Variants in TENT2 observed in about 807,000 individuals in gnomAD.
The protein encoded by TENT2 is poly(A) RNA polymerase GLD2.
In TENT2, 44 loss-of-function variants were observed where a neutral mutation model predicts 72.2. That is an observed-to-expected ratio of 0.61 (90% CI 0.48 to 0.78). The LOEUF is 0.78. Among genes scored for constraint, TENT2 ranks in the 30% least tolerant of loss-of-function variants. TENT2 has a pLI of 0.00. For synonymous variants in TENT2, 212 were observed against 192.5 expected (o/e 1.10, Z -0.84); for missense variants, 541 against 569.6 (o/e 0.95, Z 0.51).
intron 12 of TENT2, among the ~76,000 whole-genome samples, chr5:79,672,719 CTT>C (rs1283597970): frequency 2.0e-5 from 3 of 152,200 alleles, no homozygotes; most frequent in Admixed American, 6.5e-5. Context: ...TTGATGGACA[CTT>C]AAGTTCCTTC....
At chr5:79,665,449 A>G (rs1362950034) in intron 11 of TENT2, among the ~76,000 whole-genome samples, 1 of 152,210 alleles carries the variant, frequency 6.6e-6, no homozygotes, top group African/African-American at 2.4e-5. Context: ...CTCAGAAAAA[A>G]ATGATGGAAT....
rs140583096 is a variant in TENT2, at chr5:79,630,089, C to T, written c.465+6600C>T. ...GGCAGAGGTTGCAGTGAGCCAACAT[C>T]GCGTCACTGTACTCCAGCCTGGGTG... is the stretch of plus-strand genomic sequence containing the variant. On this transcript the variant is annotated intron_variant, in intron 4 of 14. Transcript: ENST00000453514. 5.4e-3 allele frequency among the ~76,000 whole-genome samples: 815 copies of T among 152,244 alleles called. 6 individuals carry two copies. The highest frequency in any genetic ancestry group is 0.019 in the African/African-American group (773 of 41,552).
chr5:79,663,743 T>A (rs1804913926), intron 11 of TENT2, among the ~76,000 whole-genome samples: 1 of 152,196 alleles, frequency 6.6e-6, no homozygotes, highest in Admixed American at 6.5e-5. Context: ...ATATGAGAAT[T>A]ACCAGAGTGG....
chr5:79,619,162 A>C (rs948837841), intron 1 of TENT2, among the ~76,000 whole-genome samples: 2 of 152,192 alleles, frequency 1.3e-5, no homozygotes, highest in Non-Finnish European at 2.9e-5. Context: ...GAATCTTATA[A>C]ATTGTTAAGA....
rs369492064 is a variant in TENT2 at position 79,664,594 on chromosome 5, CAAAAA to C, written c.1072-4286_1072-4282del. On this transcript the variant is annotated intron_variant, in intron 11 of 14. Coordinates refer to ENST00000453514, the MANE Select transcript of TENT2 (RefSeq NM_001114394.3). ...TGGGTGACAGAGTCTCACTCTGTCT[CAAAAA>C]AAAAAAAAAAAGAGGTTAACAAATT... 6.5e-3 allele frequency among the ~76,000 whole-genome samples: 626 copies of C among 95,642 alleles called. 4 individuals are homozygous for C. Among genetic ancestry groups the C allele is most frequent in the African/African-American group, 0.019 (553 of 29,528 alleles). The allele number at this position is 95,642 out of a possible 152,430, so 62.7% of individuals were successfully genotyped here.
chr5:79,615,975 G>C (rs1759538741), intron 1 of TENT2, among the ~76,000 whole-genome samples: 1 of 151,848 alleles, frequency 6.6e-6, no homozygotes, highest in African/African-American at 2.4e-5. Flanking sequence ...TGTAACCTCT[G>C]CTTGCCAGGT....
chr5:79,669,450 T>A (rs562046036), intron 12 of TENT2, among the ~76,000 whole-genome samples: 2 of 152,234 alleles, frequency 1.3e-5, no homozygotes, highest in Non-Finnish European at 2.9e-5. Flanking sequence ...GTTGTGTTAG[T>A]GTGATATACA....
intron 11 of TENT2, among the ~76,000 whole-genome samples, chr5:79,666,887 G>C (rs1745005598): frequency 6.6e-6 from 1 of 152,102 alleles, no homozygotes; most frequent in Non-Finnish European, 1.5e-5. Context: ...GATTTCTTAA[G>C]GATAGATAGA....
At chr5:79,655,098 T>C (rs183512903) in intron 10 of TENT2, among the ~76,000 whole-genome samples, 3 of 152,296 alleles carry the variant, frequency 2.0e-5, no homozygotes, top group Admixed American at 1.3e-4. Flanking sequence ...ATAGTTGTTA[T>C]AGTCAGATTT....
At chr5:79,634,585 C>T (rs1441573016) in intron 4 of TENT2, among the ~76,000 whole-genome samples, 2 of 152,212 alleles carry the variant, frequency 1.3e-5, no homozygotes, top group East Asian at 1.9e-4. Flanking sequence ...GTGATCTGCC[C>T]GCCTTGGCCT....
chr5:79,619,768 C>A lies in TENT2; in HGVS notation c.120C>A (p.Phe40Leu), dbSNP rs771639966. The change falls in exon 2 of 15, where the codon TTC becomes TTA. Residue 40 changes from phenylalanine (F) to leucine (L), a missense_variant. Coordinates refer to ENST00000453514, the MANE Select transcript of TENT2 (RefSeq NM_001114394.3). ...YSHQQLIDAQ[F>L]NFQNADLSRA... ...ACCAGCAGCTTATAGATGCACAATT[C>A]AACTTTCAGAATGCAGAGTGAGTAT... The A allele has an allele frequency of 3.1e-6, 5 of 1,613,058 alleles. No individual in the cohort carries two copies. Among genetic ancestry groups the A allele is most frequent in the Non-Finnish European group, 4.2e-6 (5 of 1,179,492 alleles).
intron 1 of TENT2, among the ~76,000 whole-genome samples, chr5:79,618,812 T>G (rs554404960): frequency 6.6e-5 from 10 of 152,184 alleles, no homozygotes; most frequent in Non-Finnish European, 1.5e-4. Context: ...CTCCCAAGTA[T>G]TATTATGTTC....
chr5:79,668,692 G>C, intron 11 of TENT2, 200 bp from the exon 12 acceptor site: 1 of 515,674 alleles, frequency 1.9e-6, no homozygotes, highest in East Asian at 3.1e-5. Context: ...GGATTAGAAT[G>C]TTAGTTTTTC....
intron 12 of TENT2, among the ~76,000 whole-genome samples, chr5:79,678,209 T>C (rs911559214): frequency 1.3e-5 from 2 of 152,204 alleles, no homozygotes; most frequent in Non-Finnish European, 2.9e-5. Flanking sequence ...TTCAGTGTGC[T>C]TTACAAGAAT....
chr5:79,659,317 G>A (rs1317283909), intron 11 of TENT2, among the ~76,000 whole-genome samples: 9 of 151,136 alleles, frequency 6.0e-5, no homozygotes, highest in Middle Eastern at 3.4e-3. Flanking sequence ...GGTGGATCAC[G>A]AGGTCAGGAG....
chr5:79,685,614 T>G lies in TENT2; in HGVS notation c.*341T>G. On this transcript the variant is annotated 3_prime_UTR_variant, in exon 15 of 15. Coordinates refer to ENST00000453514, the MANE Select transcript of TENT2 (RefSeq NM_001114394.3). ...GTACCACATGCTAATCCTGAAGAGA[T>G]GTGTAGAATTTTGGAAAGGGTCTAA... 5.6e-6 allele frequency: 1 copy of G among 177,762 alleles called. No homozygotes were observed. The highest frequency in any genetic ancestry group is 1.2e-5 in the Non-Finnish European group (1 of 85,390). 11.0% of individuals were successfully genotyped at this position (177,762 alleles called of 1,614,324 possible). A position where few individuals can be genotyped will look rare whatever the true frequency, so the allele number is the denominator to read the frequency against.
intron 1 of TENT2, among the ~76,000 whole-genome samples, chr5:79,616,779 T>C (rs186273237): frequency 6.6e-6 from 1 of 152,348 alleles, no homozygotes; most frequent in Non-Finnish European, 1.5e-5. Context: ...CTAAAGAAAG[T>C]TGACAGACTC....
At chr5:79,633,919 C>T (rs375927303) in intron 4 of TENT2, among the ~76,000 whole-genome samples, 155 of 147,074 alleles carry the variant, frequency 1.1e-3, no homozygotes, top group Non-Finnish European at 1.7e-3. Context: ...TTTGGGAGGC[C>T]GAGGCGGGCA....
intron 11 of TENT2, among the ~76,000 whole-genome samples, chr5:79,658,590 T>C (rs1312654007): frequency 6.6e-6 from 1 of 152,238 alleles, no homozygotes; most frequent in Non-Finnish European, 1.5e-5. Context: ...CAACCTCATC[T>C]TGCTTTAAGA....
Sources: gnomAD v4.1 joint callset for allele counts (sites outside exome capture counted in the v4.1 genomes callset) on GRCh38, gnomAD v4.1.1 for gene constraint, MANE v1.5 for transcripts, NCBI Gene and HGNC (gene_info 2026-07-23, HGNC 2026-07-21) for gene names.